Variants in PCDH7 observed in about 807,000 individuals in gnomAD.
PCDH7 encodes protocadherin-7.
In PCDH7, 17 loss-of-function variants were observed where a neutral mutation model predicts 58.9. The ratio of observed to expected loss-of-function variants is 0.29; its 90% CI spans 0.20 to 0.43. The LOEUF (loss-of-function observed/expected upper bound fraction) is 0.43, where lower values mean the gene tolerates loss of function less well. Among genes scored for constraint, PCDH7 ranks in the 20% least tolerant of loss-of-function variants. The probability of loss-of-function intolerance (pLI) is 1.00; values close to 1 mark genes in which losing one functional copy is unlikely to be tolerated. For synonymous variants in PCDH7, 664 were observed against 616.4 expected (o/e 1.08, Z -1.14); for missense variants, 1,274 against 1,441.0 (o/e 0.88, Z 1.88).
intron 3 of PCDH7, among the ~76,000 whole-genome samples, chr4:31,063,626 C>A (rs969942771): frequency 1.3e-5 from 2 of 151,822 alleles, no homozygotes; most frequent in Admixed American, 6.6e-5. Flanking sequence ...AGTAGCAATG[C>A]TGTCAGTCAA....
In PCDH7 at chr4:30,764,199, C is replaced by T. The variant is rs538600986; in HGVS notation, c.70+39603C>T. On this transcript the variant is annotated intron_variant, in intron 1 of 3. Coordinates refer to the PCDH7 transcript ENST00000509759. ...CCAGGAGAGAATCCTTACCTGGATTCGTAAAGTTACACACACTTCATTGAC... is the reference window on the plus strand; with the variant it reads ...CCAGGAGAGAATCCTTACCTGGATTTGTAAAGTTACACACACTTCATTGAC... Among the ~76,000 whole-genome samples the T allele has an allele frequency of 5.3e-5, 8 of 152,228 alleles. No homozygotes were observed. The East Asian group carries it at 7.7e-4, about 15-fold the overall frequency.
chr4:30,728,477 A>G (rs1467502786), intron 1 of PCDH7, among the ~76,000 whole-genome samples: 1 of 151,642 alleles, frequency 6.6e-6, no homozygotes, highest in African/African-American at 2.4e-5. Context: ...ATATGTTGTA[A>G]TTTCCGTTAC....
intron 3 of PCDH7, among the ~76,000 whole-genome samples, chr4:31,098,062 A>C (rs1319105992): frequency 6.6e-6 from 1 of 152,166 alleles, no homozygotes; most frequent in East Asian, 1.9e-4. Flanking sequence ...TCCTTCGTAT[A>C]CTTCTGTTTA....
chr4:30,890,983 G>A (rs1738532785), intron 1 of PCDH7, among the ~76,000 whole-genome samples: 1 of 152,014 alleles, frequency 6.6e-6, no homozygotes, highest in African/African-American at 2.4e-5. Context: ...TTTAGGAATA[G>A]GCTCAAACTA....
At chr4:31,146,677 A>C (rs1394419089), downstream of PCDH7, 1 of 152,126 alleles carries the variant, frequency 6.6e-6, no homozygotes, top group Non-Finnish European at 1.5e-5. Context: ...AAATGTATTA[A>C]ACACTCGTCC....
intron 1 of PCDH7, among the ~76,000 whole-genome samples, chr4:30,882,742 C>T (rs1020379064): frequency 1.3e-5 from 2 of 152,218 alleles, no homozygotes; most frequent in African/African-American, 2.4e-5. Flanking sequence ...CAAAGTCATA[C>T]TTTTGCTTAG....
chr4:30,923,763 C>T (rs1240724826), intron 2 of PCDH7, among the ~76,000 whole-genome samples: 3 of 151,912 alleles, frequency 2.0e-5, no homozygotes, highest in Non-Finnish European at 4.4e-5. Flanking sequence ...ATTTCTTTGC[C>T]TTTAATTATC....
At chr4:30,916,084 T>C (rs1742434411) in intron 1 of PCDH7, among the ~76,000 whole-genome samples, 1 of 152,136 alleles carries the variant, frequency 6.6e-6, no homozygotes, top group Non-Finnish European at 1.5e-5. Flanking sequence ...AGAATCATTG[T>C]TGGAGCACCC....
At chr4:30,831,258 G>T (rs1729739412) in intron 1 of PCDH7, among the ~76,000 whole-genome samples, 1 of 152,146 alleles carries the variant, frequency 6.6e-6, no homozygotes, top group Non-Finnish European at 1.5e-5. Flanking sequence ...AACTAGAATT[G>T]GTTCAGATGA....
chr4:30,998,425 T>C (rs1320148691), intron 3 of PCDH7, among the ~76,000 whole-genome samples: 2 of 152,142 alleles, frequency 1.3e-5, no homozygotes, highest in Admixed American at 6.6e-5. Context: ...TGGTGTTTTT[T>C]TGTAGTTGTC....
chr4:30,841,221 G>A (rs1468617224), intron 1 of PCDH7, among the ~76,000 whole-genome samples: 1 of 151,904 alleles, frequency 6.6e-6, no homozygotes, highest in Non-Finnish European at 1.5e-5. Flanking sequence ...GATTAAGACA[G>A]TCACAAAGAA....
At chr4:30,993,486 C>T (rs1019271483) in intron 3 of PCDH7, among the ~76,000 whole-genome samples, 3 of 152,022 alleles carry the variant, frequency 2.0e-5, no homozygotes, top group Non-Finnish European at 2.9e-5. Context: ...TGATAAATAA[C>T]ATGGTTCATA....
chr4:31,062,365 C>A (rs565594964), intron 3 of PCDH7, among the ~76,000 whole-genome samples: 39 of 151,664 alleles, frequency 2.6e-4, no homozygotes, highest in Non-Finnish European at 3.7e-4. Flanking sequence ...ATAAAGGAAC[C>A]AATATAGATG....
At chr4:30,905,997 A>G (rs1342920513) in intron 1 of PCDH7, among the ~76,000 whole-genome samples, 2 of 152,238 alleles carry the variant, frequency 1.3e-5, no homozygotes, top group Non-Finnish European at 2.9e-5. Flanking sequence ...CAAGGAACTT[A>G]TCTTTGGGAA....
chr4:30,797,459 A>G (rs530405355), intron 1 of PCDH7, among the ~76,000 whole-genome samples: 1 of 151,664 alleles, frequency 6.6e-6, no homozygotes, highest in South Asian at 2.1e-4. Flanking sequence ...TAGTTTTAGT[A>G]GAGACAGGGT....
chr4:30,952,940 T>A (rs1747510815), intron 3 of PCDH7, among the ~76,000 whole-genome samples: 1 of 152,216 alleles, frequency 6.6e-6, no homozygotes. Flanking sequence ...CTCATAACAC[T>A]AATTAATCTG....
chr4:30,916,919 G>A (rs980942900), intron 1 of PCDH7, among the ~76,000 whole-genome samples: 8 of 152,192 alleles, frequency 5.3e-5, no homozygotes, highest in African/African-American at 1.9e-4. Context: ...ATTGGCATTT[G>A]TTTTTTTCAC....
chr4:31,064,929 C>T (rs2109243458), intron 3 of PCDH7, among the ~76,000 whole-genome samples: 1 of 152,042 alleles, frequency 6.6e-6, no homozygotes, highest in African/African-American at 2.4e-5. Flanking sequence ...CTTATTTCAT[C>T]TAACATATTG....
intron 2 of PCDH7, among the ~76,000 whole-genome samples, chr4:30,949,692 GAC>G (rs1747136193): frequency 6.6e-6 from 1 of 152,068 alleles, no homozygotes; most frequent in African/African-American, 2.4e-5. Context: ...TGCATTGTGA[GAC>G]AGTTATATAA....
Sources: gnomAD v4.1 joint callset for allele counts (sites outside exome capture counted in the v4.1 genomes callset) on GRCh38, gnomAD v4.1.1 for gene constraint, MANE v1.5 for transcripts, NCBI Gene and HGNC (gene_info 2026-07-23, HGNC 2026-07-21) for gene names.